Variants in CMTM8 observed in about 807,000 individuals in gnomAD.
CMTM8 encodes CKLF like MARVEL transmembrane domain containing 8.
CMTM8 carries 12 observed loss-of-function variants against 18.6 expected under a neutral mutation model. The ratio of observed to expected loss-of-function variants is 0.65; its 90% CI spans 0.41 to 1.05. The LOEUF is 1.05. Ranked by LOEUF, CMTM8 falls within the 50% of genes least tolerant of loss-of-function variation. CMTM8 has a pLI of 0.00. For missense variants in CMTM8, 217 were observed against 227.2 expected, an observed-to-expected ratio of 0.95 and a Z score of 0.29; for synonymous variants, 87 against 90.6, an observed-to-expected ratio of 0.96 and a Z score of 0.23.
At chr3:32,319,557 A>T (rs1333983803) in intron 1 of CMTM8, among the ~76,000 whole-genome samples, 1 of 152,062 alleles carries the variant, frequency 6.6e-6, no homozygotes, top group Admixed American at 6.6e-5. Flanking sequence ...CACTTCTGTC[A>T]CTTCACCTTG....
At chr3:32,343,134 T>C (rs1270691910) in intron 1 of CMTM8, among the ~76,000 whole-genome samples, 3 of 152,172 alleles carry the variant, frequency 2.0e-5, no homozygotes, top group South Asian at 2.1e-4. Context: ...TAGCACCAGA[T>C]TGGAAGATGC....
intron 1 of CMTM8, among the ~76,000 whole-genome samples, chr3:32,285,256 C>T (rs4245887): frequency 0.76 from 115,860 of 152,110 alleles, 44,317 homozygotes; most frequent in East Asian, 0.9. Flanking sequence ...GGCTCACGCC[C>T]GTAATCTCAG....
At chr3:32,344,900 C>CA (rs1025278292) in intron 1 of CMTM8, among the ~76,000 whole-genome samples, 9 of 151,870 alleles carry the variant, frequency 5.9e-5, no homozygotes, top group East Asian at 1.9e-4. Flanking sequence ...GTCTCAAAAA[C>CA]AAAAAACCTG....
intron 1 of CMTM8, among the ~76,000 whole-genome samples, chr3:32,356,477 C>G (rs1324719336): frequency 6.6e-6 from 1 of 152,198 alleles, no homozygotes; most frequent in Non-Finnish European, 1.5e-5. Context: ...TGAAGTCTTC[C>G]TTTAGTCAAT....
At chr3:32,254,584 T>C (rs976269107) in intron 1 of CMTM8, among the ~76,000 whole-genome samples, 1 of 152,144 alleles carries the variant, frequency 6.6e-6, no homozygotes, top group Non-Finnish European at 1.5e-5. Flanking sequence ...TACCCCAAAT[T>C]TTAAGCTCAT....
chr3:32,274,699 C>A (rs1010831464), intron 1 of CMTM8, among the ~76,000 whole-genome samples: 1 of 152,170 alleles, frequency 6.6e-6, no homozygotes. Context: ...TCCTTATATT[C>A]TTTTTCCCTG....
chr3:32,337,777 G>A (rs1696414250), intron 1 of CMTM8, among the ~76,000 whole-genome samples: 1 of 152,092 alleles, frequency 6.6e-6, no homozygotes, highest in Non-Finnish European at 1.5e-5. Flanking sequence ...GCTGGCCTGG[G>A]ACCAGACATC....
At chr3:32,265,726 AAGAG>A (rs1172947628) in intron 1 of CMTM8, among the ~76,000 whole-genome samples, 2 of 152,232 alleles carry the variant, frequency 1.3e-5, no homozygotes, top group African/African-American at 2.4e-5. Flanking sequence ...TAAAGAAAAA[AAGAG>A]AGAAGAATCA....
chr3:32,246,450 C>T (rs1294659466), intron 1 of CMTM8, among the ~76,000 whole-genome samples: 2 of 152,122 alleles, frequency 1.3e-5, no homozygotes, highest in Non-Finnish European at 2.9e-5. Flanking sequence ...GATAACTATT[C>T]GCTCACCCCT....
At position 32,333,836 on chromosome 3, in the gene CMTM8, A is replaced by C. The variant is rs76440195; in HGVS notation, c.148-23537A>C. 2.7e-3 allele frequency among the ~76,000 whole-genome samples: 412 copies of C among 152,222 alleles called. 2 individuals are homozygous for C. The highest frequency in any genetic ancestry group is 0.024 in the Middle Eastern group (7 of 292). ...AACCCATAGAATGCCTACCACCATG[A>C]GTGAACCCTAATGTAAACTATGGGC... On this transcript the variant is annotated intron_variant, in intron 1 of 3. Coordinates refer to ENST00000307526, the MANE Select transcript of CMTM8 (RefSeq NM_178868.5).
chr3:32,315,099 A>G (rs1250297841), intron 1 of CMTM8, among the ~76,000 whole-genome samples: 3 of 150,332 alleles, frequency 2.0e-5, no homozygotes, highest in South Asian at 2.1e-4. Flanking sequence ...TAACTAAGCC[A>G]CAGCCTCTGT....
chr3:32,254,233 A>G (rs1702148894), intron 1 of CMTM8, among the ~76,000 whole-genome samples: 1 of 152,178 alleles, frequency 6.6e-6, no homozygotes, highest in Admixed American at 6.5e-5. Flanking sequence ...TTTGTATAAC[A>G]TAAAATTAAC....
intron 3 of CMTM8, 122 bp from the exon 4 acceptor site, chr3:32,369,762 G>T: frequency 1.8e-6 from 1 of 541,330 alleles, no homozygotes; most frequent in Non-Finnish European, 3.4e-6. Flanking sequence ...AGTAGTTTTA[G>T]ATGGCAAAGC....
At chr3:32,366,681 G>A (rs1354764494) in intron 2 of CMTM8, among the ~76,000 whole-genome samples, 4 of 152,228 alleles carry the variant, frequency 2.6e-5, no homozygotes, top group African/African-American at 9.6e-5. Context: ...TTAAATTTGC[G>A]TGACTCTATA....
intron 2 of CMTM8, 28 bp from the exon 3 acceptor site, chr3:32,367,844 T>G (rs761075765): frequency 2.0e-6 from 3 of 1,511,012 alleles, no homozygotes. Flanking sequence ...CCCCTCTCCC[T>G]AAACACTCTG....
chr3:32,255,509 T>C (rs1702164581), intron 1 of CMTM8, among the ~76,000 whole-genome samples: 1 of 152,318 alleles, frequency 6.6e-6, no homozygotes, highest in East Asian at 1.9e-4. Flanking sequence ...ACACTATTAC[T>C]TTTCATGTTA....
chr3:32,300,096 C>A (rs150647375), intron 1 of CMTM8, among the ~76,000 whole-genome samples: 1 of 152,182 alleles, frequency 6.6e-6, no homozygotes, highest in Non-Finnish European at 1.5e-5. Flanking sequence ...GTCTTCAGAT[C>A]GAAGACCCAA....
chr3:32,323,108 A>T (rs904680612), intron 1 of CMTM8, among the ~76,000 whole-genome samples: 3 of 152,138 alleles, frequency 2.0e-5, no homozygotes, highest in African/African-American at 7.2e-5. Context: ...TGATATTCAG[A>T]TGCTTTGGTG....
intron 1 of CMTM8, among the ~76,000 whole-genome samples, chr3:32,315,110 TTTC>T (rs1039190701): frequency 8.0e-4 from 119 of 148,994 alleles, no homozygotes; most frequent in Middle Eastern, 3.5e-3. Flanking sequence ...CAGCCTCTGT[TTTC>T]TTCTTCTTCT....
Sources: allele counts gnomAD v4.1 joint callset (sites outside exome capture counted in the v4.1 genomes callset), GRCh38; gene constraint gnomAD v4.1.1; transcripts MANE v1.5; gene names NCBI Gene and HGNC (gene_info 2026-07-23, HGNC 2026-07-21).